The following KDM7A variants were observed in gnomAD, a reference collection of about 807,000 sequenced individuals.
The protein encoded by KDM7A is lysine demethylase 7A, also known as lysine-specific demethylase 7A.
Under a neutral mutation model 114.8 loss-of-function variants are expected in KDM7A, and 28 were observed. That is an observed-to-expected ratio of 0.24 (90% CI 0.18 to 0.33). The LOEUF is 0.33. Ranked by LOEUF, KDM7A falls within the 10% of genes least tolerant of loss-of-function variation. The pLI, the probability that KDM7A is intolerant of heterozygous loss-of-function variation, is 1.00. For missense variants in KDM7A, 942 were observed against 1,142.5 expected (o/e 0.82, Z 2.53); for synonymous variants, 423 against 397.8 (o/e 1.06, Z -0.75).
intron 15 of KDM7A, among the ~76,000 whole-genome samples, 197 bp downstream of exon 15, chr7:140,097,348 C>T (rs1355382953): frequency 2.0e-5 from 3 of 152,130 alleles, no homozygotes; most frequent in Non-Finnish European, 4.4e-5. Context: ...CAAAATCAGA[C>T]AAAAGCTCTA....
chr7:140,171,758 TCA>T lies in KDM7A; in HGVS notation c.194+4984_194+4985del, dbSNP rs1385399044. On this transcript the variant is annotated intron_variant, in intron 1 of 19. Transcript: ENST00000397560. The stretch of plus-strand genomic sequence containing the variant: ...CCCCACTTATGCCTGTACTTGAACT[TCA>T]CATAAACAGAGCCAAACAGTATGCT... 2.0e-5 allele frequency among the ~76,000 whole-genome samples: 3 copies of T among 151,720 alleles called. No individual in the cohort carries two copies. The East Asian group carries it at 5.8e-4, about 29-fold the overall frequency.
At chr7:140,168,826 T>C (rs1562962125) in intron 1 of KDM7A, among the ~76,000 whole-genome samples, 1 of 152,228 alleles carries the variant, frequency 6.6e-6, no homozygotes, top group Admixed American at 6.5e-5. Flanking sequence ...CTTTACAGGA[T>C]TGAACAAATA....
intron 11 of KDM7A, among the ~76,000 whole-genome samples, chr7:140,107,478 A>G (rs1203910223): frequency 6.6e-6 from 1 of 152,114 alleles, no homozygotes; most frequent in Non-Finnish European, 1.5e-5. Context: ...TGGTGACAAA[A>G]TCTCTCAGCA....
chr7:140,115,167 G>A (rs922972511), intron 9 of KDM7A, among the ~76,000 whole-genome samples: 20 of 150,100 alleles, frequency 1.3e-4, no homozygotes, highest in African/African-American at 4.7e-4. Context: ...CCATCAGGGA[G>A]GGAGGTGGGG....
rs769437970 is a variant in KDM7A, at chr7:140,099,958, A to C, written c.1704T>G (p.Pro568=). The C allele has an allele frequency of 3.1e-6, 5 of 1,610,816 alleles. No individual in the cohort carries two copies. The highest frequency in any genetic ancestry group is 4.2e-6 in the Non-Finnish European group (5 of 1,177,024). Residue 568 remains proline (P), a synonymous_variant, in exon 13 of 20, where the codon CCT becomes CCG. Coordinates refer to ENST00000397560, the MANE Select transcript of KDM7A (RefSeq NM_030647.2). ...NKHLQPSSTV[P]EWRAKDNDLR... ...GATCATTATCTTTCGCTCTCCATTC[A>C]GGTACTGTGGAGGATGGTTGGAGAT... is the stretch of plus-strand genomic sequence containing the variant.
intron 1 of KDM7A, among the ~76,000 whole-genome samples, chr7:140,172,031 T>A (rs1362780990): frequency 6.6e-6 from 1 of 152,172 alleles, no homozygotes; most frequent in African/African-American, 2.4e-5. Context: ...TTAACAGTTT[T>A]TGTTTGTTTT....
chr7:140,110,484 A>C (rs1170345466), intron 11 of KDM7A, among the ~76,000 whole-genome samples: 4 of 152,164 alleles, frequency 2.6e-5, no homozygotes, highest in African/African-American at 7.2e-5. Context: ...TAAGCTGTTA[A>C]ATCATCAGCT....
intron 1 of KDM7A, among the ~76,000 whole-genome samples, chr7:140,161,570 C>T (rs1383344063): frequency 2.0e-5 from 3 of 150,608 alleles, no homozygotes; most frequent in Non-Finnish European, 4.4e-5. Context: ...GTGGGGGGGA[C>T]GGAGTCTCGC....
rs1818600773 is a variant in KDM7A, at chr7:140,120,466, T to C, written c.1115A>G (p.Asn372Ser). The change falls in exon 8 of 20, where the codon AAC (asparagine) becomes AGC (serine). Residue 372 changes from asparagine (N) to serine (S), a missense_variant. Asn to Ser is a conservative substitution (Grantham distance 46, BLOSUM62 1). This residue lies in a region of KDM7A where 318 missense variants were observed against 453.1 expected (regional missense o/e 0.70). Coordinates refer to ENST00000397560, the MANE Select transcript of KDM7A (RefSeq NM_030647.2). ...CMAFGGNFLH[N>S]LNIGMQLRCY... is the part of the protein sequence containing the mutation. ...CCTGAGCTGCATGCCAATGTTAAGG[T>C]TGTGCAGGAAGTTCCCCCCAAAAGC... 1.2e-6 allele frequency: 2 copies of C among 1,611,940 alleles called. No individual in the cohort carries two copies. Among genetic ancestry groups the C allele is most frequent in the Non-Finnish European group, 1.7e-6 (2 of 1,178,210 alleles).
chr7:140,174,249 T>C (rs1794677043), intron 1 of KDM7A, among the ~76,000 whole-genome samples: 1 of 152,170 alleles, frequency 6.6e-6, no homozygotes, highest in East Asian at 1.9e-4. Context: ...AGCTAAATTT[T>C]CTAACTTTTG....
chr7:140,099,939 T>C lies in KDM7A; in HGVS notation c.1723A>G (p.Asn575Asp). The C allele has an allele frequency of 6.2e-7, 1 of 1,612,254 alleles. No homozygotes were observed. The highest frequency in any genetic ancestry group is 8.5e-7 in the Non-Finnish European group (1 of 1,178,216). Residue 575 changes from asparagine to aspartate, a missense_variant, in exon 13 of 20, where the codon AAT becomes GAT. Physicochemically the swap from Asn to Asp is conservative, Grantham distance 23. Transcript: ENST00000397560. ...STVPEWRAKD[N>D]DLRLLLTNGR... ...TTTGTCAGCAGTAATCGTAGATCAT[T>C]ATCTTTCGCTCTCCATTCAGGTACT...
chr7:140,111,023 G>A (rs1298149695), intron 11 of KDM7A, 72 bp downstream of exon 11: 19 of 825,366 alleles, frequency 2.3e-5, no homozygotes, highest in Non-Finnish European at 3.4e-5. Context: ...TATTTGTAGA[G>A]AGTGGAATAG....
At chr7:140,144,123 C>G (rs990755358) in intron 1 of KDM7A, among the ~76,000 whole-genome samples, 1 of 152,142 alleles carries the variant, frequency 6.6e-6, no homozygotes, top group Non-Finnish European at 1.5e-5. Context: ...ACTTACTTAA[C>G]AAAGCTATGG....
chr7:140,148,293 T>C (rs1429169946), intron 1 of KDM7A, among the ~76,000 whole-genome samples: 1 of 152,118 alleles, frequency 6.6e-6, no homozygotes, highest in South Asian at 2.1e-4. Context: ...GAAAAATCTC[T>C]CTCTCTCGAG....
chr7:140,106,922 A>C (rs925910416), intron 11 of KDM7A, among the ~76,000 whole-genome samples: 2 of 152,128 alleles, frequency 1.3e-5, no homozygotes, highest in African/African-American at 4.8e-5. Flanking sequence ...TGGGAGTCTA[A>C]GTCTTTTTGT....
At position 140,095,916 on chromosome 7, in the gene KDM7A, A is replaced by C. The variant is rs573965500; in HGVS notation, c.2374+639T>G. 2.6e-5 allele frequency among the ~76,000 whole-genome samples: 4 copies of C among 152,134 alleles called. No individual in the cohort carries two copies. The East Asian group carries it at 7.7e-4, about 29-fold the overall frequency. ...AATAAATAATAAAAAAAATTATTTC[A>C]GTGAAATGGATGTCAAGCTCCTGGT... is the stretch of plus-strand genomic sequence containing the variant. On this transcript the variant is annotated intron_variant, in intron 17 of 19. Coordinates refer to ENST00000397560, the MANE Select transcript of KDM7A (RefSeq NM_030647.2).
chr7:140,096,757 A>C lies in KDM7A; in HGVS notation c.2172T>G (p.Cys724Trp). 2 of 1,613,756 alleles carry C rather than the reference A, an allele frequency of 1.2e-6. No homozygotes were observed. Among genetic ancestry groups the C allele is most frequent in the Non-Finnish European group, 1.7e-6 (2 of 1,179,738 alleles). ...CTTCCTCTGTGCTCGTCGAGGTAGGACATTCCCTAAAGAAGAGATGATCCA... is the reference window on the plus strand; with the variant it reads ...CTTCCTCTGTGCTCGTCGAGGTAGGCCATTCCCTAAAGAAGAGATGATCCA... Reference protein sequence around the residue: ...SRSEIPIKRECPTSTSTEEEA... With the variant: ...SRSEIPIKREWPTSTSTEEEA... The change falls in exon 17 of 20, where the codon TGT becomes TGG. Residue 724 changes from cysteine (C) to tryptophan (W), a missense_variant. By Grantham distance (215) the Cys-to-Trp change is radical. Coordinates refer to ENST00000397560, the MANE Select transcript of KDM7A (RefSeq NM_030647.2).
At chr7:140,108,551 G>C (rs1818380454) in intron 11 of KDM7A, among the ~76,000 whole-genome samples, 2 of 152,208 alleles carry the variant, frequency 1.3e-5, no homozygotes, top group African/African-American at 4.8e-5. Flanking sequence ...GTCCACTCCA[G>C]ACCGTTTGCC....
chr7:140,112,659 T>C (rs374197439), intron 10 of KDM7A, among the ~76,000 whole-genome samples: 24 of 151,922 alleles, frequency 1.6e-4, no homozygotes, highest in African/African-American at 4.6e-4. Flanking sequence ...TCAGCTCACA[T>C]ATGTATGTAT....
Sources: allele counts gnomAD v4.1 joint callset (sites outside exome capture counted in the v4.1 genomes callset), GRCh38; gene constraint gnomAD v4.1.1; regional missense constraint gnomAD v4.1.1; transcripts MANE v1.5; gene names NCBI Gene and HGNC (gene_info 2026-07-23, HGNC 2026-07-21).